Variants in RPF2 observed in about 807,000 individuals in gnomAD.
The protein encoded by RPF2 is brix domain containing 1.
Under a neutral mutation model 38.9 loss-of-function variants are expected in RPF2, and 21 were observed. The ratio of observed to expected loss-of-function variants is 0.54; its 90% CI spans 0.38 to 0.78. The LOEUF (loss-of-function observed/expected upper bound fraction) is 0.78, where lower values mean the gene tolerates loss of function less well. RPF2 is among the 30% of genes least tolerant of loss of function. RPF2 has a pLI of 0.00. For synonymous variants in RPF2, 121 were observed against 126.2 expected (o/e 0.96, Z 0.28); for missense variants, 314 against 358.1 (o/e 0.88, Z 0.99).
At chr6:111,019,506 GCGGGTGGATCAC>G (rs1409551558) in intron 8 of RPF2, among the ~76,000 whole-genome samples, 1 of 151,906 alleles carries the variant, frequency 6.6e-6, no homozygotes, top group East Asian at 1.9e-4. Context: ...GGAGGCTGAG[GCGGGTGGATCAC>G]CTGAGGTCAG....
intron 6 of RPF2, among the ~76,000 whole-genome samples, chr6:111,005,602 G>A (rs551741461): frequency 1.3e-5 from 2 of 152,246 alleles, no homozygotes; most frequent in Admixed American, 1.3e-4. Context: ...TGAATGTCCA[G>A]CTGGTAGTTT....
At chr6:110,983,872 A>G (rs1286831143) in intron 1 of RPF2, among the ~76,000 whole-genome samples, 4 of 152,088 alleles carry the variant, frequency 2.6e-5, no homozygotes, top group Admixed American at 2.6e-4. Context: ...TACTAAAAAT[A>G]CAAAAAATTA....
At chr6:111,010,869 AC>A (rs1162365398) in intron 7 of RPF2, among the ~76,000 whole-genome samples, 1 of 152,122 alleles carries the variant, frequency 6.6e-6, no homozygotes, top group Non-Finnish European at 1.5e-5. Flanking sequence ...GGAAAAAAAA[AC>A]ACGTCACCCA....
At chr6:110,982,298 G>A (rs1430133969) in intron 1 of RPF2, 169 bp downstream of exon 1, 7 of 713,552 alleles carry the variant, frequency 9.8e-6, no homozygotes, top group Non-Finnish European at 1.7e-5. Context: ...CTTGCCAGGA[G>A]ACAGTGGGGA....
At chr6:111,019,897 G>A (rs1052371427) in intron 8 of RPF2, among the ~76,000 whole-genome samples, 1 of 151,654 alleles carries the variant, frequency 6.6e-6, no homozygotes, top group Non-Finnish European at 1.5e-5. Context: ...CCAGAAATCT[G>A]GAACACCTTT....
chr6:111,011,055 G>A (rs1367380942), intron 7 of RPF2, among the ~76,000 whole-genome samples: 1 of 152,130 alleles, frequency 6.6e-6, no homozygotes, highest in Non-Finnish European at 1.5e-5. Flanking sequence ...TTAAATGAGA[G>A]CTATTAAGTA....
intron 9 of RPF2, among the ~76,000 whole-genome samples, chr6:111,025,051 A>G (rs1772299585): frequency 6.6e-6 from 1 of 152,266 alleles, no homozygotes; most frequent in Non-Finnish European, 1.5e-5. Context: ...AATTGAAACA[A>G]TAGTCACAAC....
intron 8 of RPF2, among the ~76,000 whole-genome samples, chr6:111,017,225 G>T (rs1772133701): frequency 1.3e-5 from 2 of 152,214 alleles, no homozygotes; most frequent in South Asian, 4.1e-4. Flanking sequence ...TGGCGGCCGG[G>T]TAGAGGGGCT....
intron 4 of RPF2, among the ~76,000 whole-genome samples, chr6:110,992,524 T>C (rs1771638198): frequency 6.6e-6 from 1 of 151,514 alleles, no homozygotes; most frequent in African/African-American, 2.4e-5. Flanking sequence ...GCAATCCTCC[T>C]GCCTCAGTCT....
intron 6 of RPF2, among the ~76,000 whole-genome samples, chr6:111,006,316 C>T (rs962903057): frequency 2.0e-5 from 3 of 151,892 alleles, no homozygotes; most frequent in East Asian, 1.9e-4. Context: ...CTCACTACAA[C>T]CTCTGTCTCT....
chr6:111,001,630 C>G (rs527291235), intron 6 of RPF2, among the ~76,000 whole-genome samples: 1 of 152,124 alleles, frequency 6.6e-6, no homozygotes, highest in Admixed American at 6.6e-5. Flanking sequence ...TCCTCAGCCT[C>G]CCAAAGTGCT....
Position 110,985,020 on chromosome 6 carries a change from A to G in RPF2, c.38A>G (p.Lys13Arg). The G allele has an allele frequency of 1.9e-6, 3 of 1,611,732 alleles. No individual in the cohort carries two copies. The highest frequency in any genetic ancestry group is 2.5e-6 in the Non-Finnish European group (3 of 1,179,698). Residue 13 changes from lysine (K) to arginine (R), a missense_variant, in exon 2 of 10, where the codon AAA becomes AGA. Transcript: ENST00000441448. Reference protein sequence around the residue: ...TLDRVVKPKTKRAKRFLEKRE... With the variant: ...TLDRVVKPKTRRAKRFLEKRE... ...TTTCTGAACAGAAAGCCCAAAACGA[A>G]AAGAGCCAAGAGATTCCTTGAGAAG...
intron 7 of RPF2, among the ~76,000 whole-genome samples, chr6:111,009,889 G>T (rs1771982602): frequency 6.6e-6 from 1 of 152,016 alleles, no homozygotes; most frequent in Admixed American, 6.5e-5. Context: ...GCCCAGGCTG[G>T]TCTTGAACTT....
rs772941251 is a variant in RPF2, at chr6:110,982,092, C to T, written c.-15C>T. On this transcript the variant is annotated 5_prime_UTR_variant, in exon 1 of 10. Coordinates refer to ENST00000441448, the MANE Select transcript of RPF2 (RefSeq NM_032194.3). ...GTGCATGCCCCCTGGTTAAGAGTTG[C>T]AGGTAGCGGTAGCGATGGACACTCT... 31 of 1,614,022 alleles carry T rather than the reference C, an allele frequency of 1.9e-5. No individual in the cohort carries two copies. The highest frequency in any genetic ancestry group is 3.3e-5 in the South Asian group (3 of 91,088).
At chr6:111,008,628 T>C (rs532164614) in intron 7 of RPF2, among the ~76,000 whole-genome samples, 2 of 152,182 alleles carry the variant, frequency 1.3e-5, no homozygotes, top group East Asian at 1.9e-4. Flanking sequence ...CAAGATTGTT[T>C]GTATCACCGA....
intron 7 of RPF2, among the ~76,000 whole-genome samples, chr6:111,010,877 C>T (rs1772001144): frequency 6.6e-6 from 1 of 152,014 alleles, no homozygotes; most frequent in Non-Finnish European, 1.5e-5. Flanking sequence ...AAACACGTCA[C>T]CCATTCTTGG....
chr6:110,990,126 C>T (rs1250221761), intron 3 of RPF2, among the ~76,000 whole-genome samples: 4 of 151,674 alleles, frequency 2.6e-5, no homozygotes, highest in African/African-American at 7.3e-5. Context: ...TTAGTAGAGA[C>T]GGGATTTCTC....
At chr6:110,999,205 T>C (rs1281691661) in intron 5 of RPF2, among the ~76,000 whole-genome samples, 1 of 152,128 alleles carries the variant, frequency 6.6e-6, no homozygotes, top group Non-Finnish European at 1.5e-5. Context: ...TATACTTGCA[T>C]TGAGTGTCTC....
chr6:110,989,262 C>T (rs1376052532), intron 3 of RPF2, among the ~76,000 whole-genome samples, 197 bp downstream of exon 3: 1 of 151,956 alleles, frequency 6.6e-6, no homozygotes, highest in African/African-American at 2.4e-5. Context: ...GTAACCATAG[C>T]ATATATATTT....
Sources: gnomAD v4.1 joint callset for allele counts (sites outside exome capture counted in the v4.1 genomes callset) on GRCh38, gnomAD v4.1.1 for gene constraint, MANE v1.5 for transcripts, NCBI Gene and HGNC (gene_info 2026-07-23, HGNC 2026-07-21) for gene names.